The following SYNGR1 variants were observed in gnomAD, a reference collection of about 807,000 sequenced individuals.
SYNGR1 encodes synaptogyrin 1.
A neutral mutation model predicts 26.1 loss-of-function variants in SYNGR1; 14 were observed. The observed-to-expected ratio is 0.54, with a 90% CI of 0.35 to 0.84. The LOEUF (loss-of-function observed/expected upper bound fraction) is 0.84. Among genes scored for constraint, SYNGR1 ranks in the 40% least tolerant of loss-of-function variants. SYNGR1 has a pLI of 0.01. For synonymous variants in SYNGR1, 141 were observed against 150.1 expected, an observed-to-expected ratio of 0.94 and a Z score of 0.44; for missense variants, 319 against 332.9, an observed-to-expected ratio of 0.96 and a Z score of 0.33.
intron 1 of SYNGR1, among the ~76,000 whole-genome samples, chr22:39,373,758 C>T (rs762984171): frequency 2.6e-5 from 4 of 152,228 alleles, no homozygotes; most frequent in Middle Eastern, 3.2e-3. Context: ...GCTGGGATTA[C>T]AGGCATGAGC....
chr22:39,354,050 G>A (rs1000896780), intron 1 of SYNGR1, among the ~76,000 whole-genome samples: 3 of 152,112 alleles, frequency 2.0e-5, no homozygotes, highest in Non-Finnish European at 4.4e-5. Flanking sequence ...TTTTAGTAGA[G>A]ACGGGGTTTC....
At chr22:39,376,333 C>A in intron 3 of SYNGR1, 136 bp downstream of exon 3, 2 of 1,448,402 alleles carry the variant, frequency 1.4e-6, no homozygotes, top group Non-Finnish European at 1.9e-6. Context: ...CTTCTGCCTG[C>A]CTGTCTGCGG....
At chr22:39,352,962 A>G (rs772964364) in intron 1 of SYNGR1, among the ~76,000 whole-genome samples, 61 of 152,076 alleles carry the variant, frequency 4.0e-4, no homozygotes, top group Non-Finnish European at 7.6e-4. Flanking sequence ...CCCAGGTTCA[A>G]GCAACTCTAC....
At chr22:39,364,130 T>C in intron 1 of SYNGR1, 1 of 1,609,772 alleles carries the variant, frequency 6.2e-7, no homozygotes, top group Non-Finnish European at 8.5e-7. Flanking sequence ...TCAAGTAAAG[T>C]GGGCCTGTGC....
At chr22:39,373,759 A>C (rs1406725016) in intron 1 of SYNGR1, among the ~76,000 whole-genome samples, 1 of 152,338 alleles carries the variant, frequency 6.6e-6, no homozygotes, top group East Asian at 1.9e-4. Flanking sequence ...CTGGGATTAC[A>C]GGCATGAGCC....
At chr22:39,376,959 C>T in intron 3 of SYNGR1, 1 of 1,536,606 alleles carries the variant, frequency 6.5e-7, no homozygotes, top group Non-Finnish European at 8.7e-7. Flanking sequence ...GCTGGCCCCT[C>T]TTTCCCACTG....
chr22:39,365,988 CTTT>C (rs777416803), intron 1 of SYNGR1, among the ~76,000 whole-genome samples: 27 of 68,370 alleles, frequency 3.9e-4, no homozygotes, highest in East Asian at 3.9e-3. Flanking sequence ...TCAGCCCCTT[CTTT>C]TTTTTTTTTT....
chr22:39,369,125 TC>T (rs1170791828), intron 1 of SYNGR1, among the ~76,000 whole-genome samples: 1 of 152,214 alleles, frequency 6.6e-6, no homozygotes, highest in African/African-American at 2.4e-5. Flanking sequence ...AGGAGCCTTT[TC>T]TGTTCTGGTT....
chr22:39,358,312 G>A (rs1924272322), intron 1 of SYNGR1, among the ~76,000 whole-genome samples: 1 of 152,152 alleles, frequency 6.6e-6, no homozygotes, highest in Non-Finnish European at 1.5e-5. Context: ...GTCAAAACAG[G>A]CCACTCGGCT....
rs139484582 is a variant in SYNGR1, at chr22:39,351,922, T to C, written c.99+1813T>C. 5.9e-3 allele frequency among the ~76,000 whole-genome samples: 904 copies of C among 152,274 alleles called. 11 individuals are homozygous for C. Among genetic ancestry groups the C allele is most frequent in the African/African-American group, 0.021 (853 of 41,558 alleles). The stretch of plus-strand genomic sequence containing the variant: ...CTGGTGGGATGAGGGTTTATACATA[T>C]GCACATCCAGGGGAGAGGACGTGGA... On this transcript the variant is annotated intron_variant, in intron 1 of 3. Transcript: ENST00000328933.
intron 1 of SYNGR1, among the ~76,000 whole-genome samples, chr22:39,363,511 G>A (rs1213216961): frequency 6.6e-6 from 1 of 152,040 alleles, no homozygotes; most frequent in African/African-American, 2.4e-5. Flanking sequence ...CAGGACTGGG[G>A]CCCAGCAGCT....
At chr22:39,378,812 C>T (rs183236891) in intron 3 of SYNGR1, among the ~76,000 whole-genome samples, 51 of 152,328 alleles carry the variant, frequency 3.3e-4, no homozygotes, top group Non-Finnish European at 6.8e-4. Flanking sequence ...CAGCCCAGGC[C>T]AGCGGGGGCC....
chr22:39,353,021 C>T (rs958141668), intron 1 of SYNGR1, among the ~76,000 whole-genome samples: 1 of 152,064 alleles, frequency 6.6e-6, no homozygotes, highest in Non-Finnish European at 1.5e-5. Flanking sequence ...ACCACCACGC[C>T]CAGCTAATTT....
At chr22:39,363,107 C>G (rs1924566366) in intron 1 of SYNGR1, among the ~76,000 whole-genome samples, 1 of 152,118 alleles carries the variant, frequency 6.6e-6, no homozygotes, top group African/African-American at 2.4e-5. Context: ...GAAATACAGG[C>G]ATCCCAGGCA....
intron 1 of SYNGR1, among the ~76,000 whole-genome samples, chr22:39,361,963 C>G (rs781538068): frequency 1.3e-5 from 2 of 151,276 alleles, no homozygotes; most frequent in Non-Finnish European, 2.9e-5. Flanking sequence ...AGAGTAAGGC[C>G]CTGGGCCAGT....
intron 3 of SYNGR1, chr22:39,377,232 T>C: frequency 1.0e-6 from 1 of 985,356 alleles, no homozygotes; most frequent in Non-Finnish European, 1.2e-6. Context: ...TGGATATCCA[T>C]TTTTGAGGGG....
rs1925087755 is a variant in SYNGR1, at chr22:39,372,758, T to C, written c.100-1558T>C. On this transcript the variant is annotated intron_variant, in intron 1 of 3. Coordinates refer to ENST00000328933, the MANE Select transcript of SYNGR1 (RefSeq NM_004711.5). Reference sequence around the variant, plus strand: ...TGCTGGGATTACAGGCGTGAGCCACTGTGCCTGGCCTGGGTGGATCCATTC... The same window carrying C: ...TGCTGGGATTACAGGCGTGAGCCACCGTGCCTGGCCTGGGTGGATCCATTC... Among the ~76,000 whole-genome samples, 6 of 151,876 alleles carry C rather than the reference T, an allele frequency of 4.0e-5. No homozygotes were observed. In the South Asian group the frequency reaches 1.2e-3, roughly 32 times the overall value.
chr22:39,362,823 C>T (rs963576173), intron 1 of SYNGR1, among the ~76,000 whole-genome samples: 1 of 152,210 alleles, frequency 6.6e-6, no homozygotes, highest in Admixed American at 6.5e-5. Flanking sequence ...TCCTTTCTAC[C>T]CCCCGTGCTG....
Position 39,350,606 on chromosome 22 carries a change from C to T in SYNGR1, c.99+497C>T, listed in dbSNP as rs1923860431. Among the ~76,000 whole-genome samples, 1 of 152,108 alleles carries T rather than the reference C, an allele frequency of 6.6e-6. No individual in the cohort carries two copies. The highest frequency in any genetic ancestry group is 2.1e-4 in the South Asian group (1 of 4,818). On this transcript the variant is annotated intron_variant, in intron 1 of 3. Transcript: ENST00000328933. This position sits in a 1 kb window ranked among gnomAD's most constrained non-coding sequence, Gnocchi z 4.3. ...GGAACCGGGTTCGTATTGCCTAGCC[C>T]GGCCCGTGTGGAGCGATGAGTCGGG...
Sources: gnomAD v4.1 joint callset for allele counts (sites outside exome capture counted in the v4.1 genomes callset) on GRCh38, gnomAD v4.1.1 for gene constraint, Gnocchi (gnomAD v3.1) non-coding constraint, MANE v1.5 for transcripts, NCBI Gene and HGNC (gene_info 2026-07-23, HGNC 2026-07-21) for gene names.